OPCML: variants seen among roughly 807,000 people sequenced by gnomAD.
The protein encoded by OPCML is opioid-binding protein/cell adhesion molecule.
OPCML carries 13 observed loss-of-function variants against 37.8 expected under a neutral mutation model. That is an observed-to-expected ratio of 0.34 (90% confidence interval 0.22 to 0.55). The LOEUF (loss-of-function observed/expected upper bound fraction) is 0.55. Among genes scored for constraint, OPCML ranks in the 20% least tolerant of loss-of-function variants. OPCML has a pLI of 0.91. For synonymous variants in OPCML, 176 were observed against 168.8 expected (o/e 1.04, Z -0.33); for missense variants, 341 against 435.6 (o/e 0.78, Z 1.93).
intron 1 of OPCML, among the ~76,000 whole-genome samples, chr11:133,336,018 C>T (rs936041978): frequency 6.6e-6 from 1 of 152,044 alleles, no homozygotes; most frequent in African/African-American, 2.4e-5. Flanking sequence ...ATAAAGCATG[C>T]CAGGATGCCT....
At chr11:132,465,432 G>A (rs2096116563) in intron 4 of OPCML, among the ~76,000 whole-genome samples, 1 of 152,074 alleles carries the variant, frequency 6.6e-6, no homozygotes, top group East Asian at 1.9e-4. Context: ...AATTTGCAAT[G>A]AATTGATTTC....
intron 1 of OPCML, among the ~76,000 whole-genome samples, chr11:133,172,170 G>C (rs1296283408): frequency 6.6e-6 from 1 of 152,160 alleles, no homozygotes; most frequent in Admixed American, 6.5e-5. Flanking sequence ...TCATTCAGTA[G>C]TGTGGTACCA....
At chr11:132,816,946 G>GT (rs1939671789) in intron 2 of OPCML, among the ~76,000 whole-genome samples, 1 of 152,198 alleles carries the variant, frequency 6.6e-6, no homozygotes, top group South Asian at 2.1e-4. Flanking sequence ...TGGAAAGACA[G>GT]TTACCCCTCA....
At chr11:132,855,071 A>G (rs1365860642) in intron 2 of OPCML, among the ~76,000 whole-genome samples, 1 of 152,222 alleles carries the variant, frequency 6.6e-6, no homozygotes, top group Admixed American at 6.5e-5. Context: ...GAGGGGCCTG[A>G]ATTCTGCTAA....
chr11:133,232,234 G>T (rs192378068), intron 1 of OPCML, among the ~76,000 whole-genome samples: 4 of 152,092 alleles, frequency 2.6e-5, no homozygotes, highest in Non-Finnish European at 4.4e-5. Flanking sequence ...CTCCGTACTT[G>T]GTTCTCAAGG....
chr11:133,451,428 C>T (rs1591514923), intron 1 of OPCML, among the ~76,000 whole-genome samples: 1 of 151,756 alleles, frequency 6.6e-6, no homozygotes, highest in East Asian at 1.9e-4. Flanking sequence ...AGATATCCTG[C>T]AGTCTCACTG....
At chr11:133,014,267 C>T (rs978468716) in intron 1 of OPCML, among the ~76,000 whole-genome samples, 1 of 152,028 alleles carries the variant, frequency 6.6e-6, no homozygotes, top group Non-Finnish European at 1.5e-5. Flanking sequence ...ACTGCTCATT[C>T]CCTAAGTGGC....
chr11:132,824,348 G>T (rs912808058), intron 2 of OPCML, among the ~76,000 whole-genome samples: 1 of 152,040 alleles, frequency 6.6e-6, no homozygotes, highest in South Asian at 2.1e-4. Flanking sequence ...GCTCATTGCA[G>T]CTCCAACGTG....
intron 1 of OPCML, among the ~76,000 whole-genome samples, chr11:132,996,165 T>G (rs1247562989): frequency 6.6e-6 from 1 of 152,100 alleles, no homozygotes; most frequent in African/African-American, 2.4e-5. Flanking sequence ...CTGTCCTCAT[T>G]GTAGATGGGG....
chr11:133,435,833 C>T (rs1259485951), intron 1 of OPCML, among the ~76,000 whole-genome samples: 1 of 152,198 alleles, frequency 6.6e-6, no homozygotes, highest in Non-Finnish European at 1.5e-5. Flanking sequence ...CTAGCCCCAC[C>T]TCTCTAGAGG....
At chr11:132,703,942 G>A (rs1351302255) in intron 2 of OPCML, among the ~76,000 whole-genome samples, 1 of 152,156 alleles carries the variant, frequency 6.6e-6, no homozygotes, top group East Asian at 1.9e-4. Context: ...TGGTACTGGG[G>A]TCCACGGAAG....
In OPCML at chr11:132,582,787, C is replaced by T. The variant is rs186791958; in HGVS notation, c.380-53601G>A. 2.5e-3 allele frequency among the ~76,000 whole-genome samples: 379 copies of T among 150,244 alleles called. 2 individuals are homozygous for T. Among genetic ancestry groups the T allele is most frequent in the South Asian group, 6.3e-3 (30 of 4,738 alleles). ...TCGTTCAGTCATGCAGGCAGCAAAA[C>T]GAATCATCTGCAAGAGGAAAATAAT... On this transcript the variant is annotated intron_variant, in intron 3 of 7. Coordinates refer to ENST00000524381, the MANE Select transcript of OPCML (RefSeq NM_001012393.5).
chr11:133,413,798 G>A (rs555323846), intron 1 of OPCML, among the ~76,000 whole-genome samples: 2 of 152,284 alleles, frequency 1.3e-5, no homozygotes, highest in African/African-American at 4.8e-5. Flanking sequence ...GAGTGATTGT[G>A]GCTGTCAGGA....
At chr11:133,389,771 A>G (rs1353044401) in intron 1 of OPCML, among the ~76,000 whole-genome samples, 1 of 152,180 alleles carries the variant, frequency 6.6e-6, no homozygotes, top group Non-Finnish European at 1.5e-5. Flanking sequence ...GGCTCCATAC[A>G]TAGATGCAGG....
intron 1 of OPCML, among the ~76,000 whole-genome samples, chr11:133,400,407 C>T (rs538208921): frequency 6.6e-6 from 1 of 152,188 alleles, no homozygotes; most frequent in Non-Finnish European, 1.5e-5. Context: ...GTGCTCTTTG[C>T]TCCTTCCGCT....
chr11:133,130,331 T>A (rs1949583618), intron 1 of OPCML, among the ~76,000 whole-genome samples: 1 of 152,120 alleles, frequency 6.6e-6, no homozygotes, highest in African/African-American at 2.4e-5. Context: ...AGGCCAAATA[T>A]ACATGTAAAT....
rs2095934066 is a variant in OPCML, at chr11:132,415,094, T to C, written c.*5099A>G. ...TAACATGCACAAAATTCAGGTAGTA[T>C]ATTCACCCTTGATACAATTATTGAC... On this transcript the variant is annotated 3_prime_UTR_variant, in exon 8 of 8. Coordinates refer to ENST00000524381, the MANE Select transcript of OPCML (RefSeq NM_001012393.5). 1 of 152,608 alleles carries C rather than the reference T, an allele frequency of 6.6e-6. No homozygotes were observed. The highest frequency in any genetic ancestry group is 2.1e-4 in the South Asian group (1 of 4,826). The allele number at this position is 152,608 out of a possible 1,614,324, so 9.5% of individuals were successfully genotyped here. A position where few individuals can be genotyped will look rare whatever the true frequency, so the allele number is the denominator to read the frequency against.
At chr11:133,401,236 A>C (rs1046475928) in intron 1 of OPCML, among the ~76,000 whole-genome samples, 10 of 152,204 alleles carry the variant, frequency 6.6e-5, no homozygotes, top group African/African-American at 2.4e-4. Flanking sequence ...ACAGAGTTCC[A>C]AGAAAGTAAG....
intron 1 of OPCML, among the ~76,000 whole-genome samples, chr11:133,357,612 G>A (rs1245968720): frequency 2.0e-5 from 3 of 152,106 alleles, no homozygotes; most frequent in Non-Finnish European, 4.4e-5. Context: ...AATCAAGAAT[G>A]TCCAGTGAGG....
Sources: allele counts gnomAD v4.1 joint callset (sites outside exome capture counted in the v4.1 genomes callset), GRCh38; gene constraint gnomAD v4.1.1; transcripts MANE v1.5; gene names NCBI Gene and HGNC (gene_info 2026-07-23, HGNC 2026-07-21).